The following TRDN variants were observed in gnomAD, a reference collection of about 807,000 sequenced individuals.
TRDN encodes the protein triadin.
A neutral mutation model predicts 149.7 loss-of-function variants in TRDN; 161 were observed. The ratio of observed to expected loss-of-function variants is 1.08; its 90% CI spans 0.95 to 1.23. The LOEUF (loss-of-function observed/expected upper bound fraction) is 1.23. Among genes scored for constraint, TRDN ranks in the 50% most tolerant of loss-of-function variants. The probability of loss-of-function intolerance (pLI) is 0.00; values close to 1 mark genes in which losing one functional copy is unlikely to be tolerated. For synonymous variants in TRDN, 294 were observed against 250.5 expected (o/e 1.17, Z -1.64); for missense variants, 896 against 823.5 (o/e 1.09, Z -1.08).
rs576562940 is a variant in TRDN at position 123,305,576 on chromosome 6, G to A, written c.1510+10881C>T. 7.9e-5 allele frequency among the ~76,000 whole-genome samples: 12 copies of A among 152,164 alleles called. 1 individual carries two copies. In the South Asian group the frequency reaches 8.3e-4, roughly 11 times the overall value. Reference sequence around the variant, plus strand: ...TGAAACACAGAAAGTTCACAAAACCGCCTGATGCCACGACCAAAGACATTC... The same window carrying A: ...TGAAACACAGAAAGTTCACAAAACCACCTGATGCCACGACCAAAGACATTC... On this transcript the variant is annotated intron_variant, in intron 24 of 40. Transcript: ENST00000334268.
intron 21 of TRDN, among the ~76,000 whole-genome samples, chr6:123,348,046 G>T (rs768688081): frequency 6.6e-6 from 1 of 152,046 alleles, no homozygotes; most frequent in Non-Finnish European, 1.5e-5. Context: ...TGAGAATGCA[G>T]ATTCTCTGTC....
chr6:123,269,870 T>C lies in TRDN; in HGVS notation c.1721-4A>G, dbSNP rs60743141. 1,369 of 1,610,318 alleles carry C rather than the reference T, an allele frequency of 8.5e-4. 14 individuals are homozygous for C. The African/African-American group carries it at 0.015, about 17-fold the overall frequency. ...TTACTTGTTGGTTTGGGCTTGGCTG[T>C]GGAGAATGGAGGCAAGCACATGGCA... On this transcript the variant is annotated splice_region_variant and splice_polypyrimidine_tract_variant and intron_variant, in intron 30 of 40. Transcript: ENST00000334268.
At chr6:123,286,108 A>T (rs892678304) in intron 24 of TRDN, among the ~76,000 whole-genome samples, 2 of 152,126 alleles carry the variant, frequency 1.3e-5, no homozygotes, top group African/African-American at 4.8e-5. Context: ...TTTGGAAAAC[A>T]GTTTGGAGAT....
At chr6:123,531,236 A>G (rs1471458926) in intron 4 of TRDN, among the ~76,000 whole-genome samples, 2 of 152,040 alleles carry the variant, frequency 1.3e-5, no homozygotes, top group African/African-American at 2.4e-5. Context: ...TTTGGATAGA[A>G]GTGAATTTGA....
intron 12 of TRDN, 122 bp from the exon 13 acceptor site, chr6:123,393,799 AT>A (rs1419405947): frequency 2.2e-6 from 2 of 907,508 alleles, no homozygotes; most frequent in East Asian, 5.3e-5. Context: ...GACACGAAGA[AT>A]TTTTGTTAAG....
intron 9 of TRDN, among the ~76,000 whole-genome samples, chr6:123,490,172 C>A (rs552198514): frequency 6.6e-6 from 1 of 152,082 alleles, no homozygotes; most frequent in Non-Finnish European, 1.5e-5. Context: ...GTGAACAATG[C>A]ATTTCAAAGA....
In TRDN at chr6:123,464,912, G is replaced by A; in HGVS notation, c.925C>T (p.Leu309Phe). The change falls in exon 10 of 41, where the codon CTT becomes TTT. Residue 309 changes from leucine to phenylalanine, a missense_variant. Transcript: ENST00000334268. Reference protein sequence around the residue: ...ASRPTPASPALEEKEGEKKKA... With the variant: ...ASRPTPASPAFEEKEGEKKKA... ...GAAAAAAAAAAGTACTTGCCTTCAA[G>A]GGCAGGTGATGCCGGAGTGGGTCTG... 2 of 1,586,118 alleles carry A rather than the reference G, an allele frequency of 1.3e-6. No individual in the cohort carries two copies. The highest frequency in any genetic ancestry group is 1.7e-6 in the Non-Finnish European group (2 of 1,165,468).
intron 24 of TRDN, among the ~76,000 whole-genome samples, chr6:123,302,568 G>A (rs1778467401): frequency 6.6e-6 from 1 of 152,098 alleles, no homozygotes; most frequent in Admixed American, 6.6e-5. Context: ...CATTGATACA[G>A]TAACTTGGTG....
At chr6:123,360,045 G>A in intron 20 of TRDN, among the ~76,000 whole-genome samples, 1 of 152,044 alleles carries the variant, frequency 6.6e-6, no homozygotes, top group East Asian at 1.9e-4. Flanking sequence ...AAGTTCCGGG[G>A]TACAAGTGCA....
intron 1 of TRDN, among the ~76,000 whole-genome samples, chr6:123,632,320 C>G (rs1391528483): frequency 6.6e-6 from 1 of 151,846 alleles, no homozygotes; most frequent in Non-Finnish European, 1.5e-5. Context: ...TTTCTCTTTT[C>G]TTTCTTTCTA....
intron 1 of TRDN, among the ~76,000 whole-genome samples, chr6:123,611,326 T>G (rs1784798429): frequency 6.6e-6 from 1 of 152,094 alleles, no homozygotes. Context: ...TCACAAGATA[T>G]GAGAGGGCAA....
chr6:123,381,262 A>G, intron 16 of TRDN, 108 bp downstream of exon 16: 1 of 1,083,492 alleles, frequency 9.2e-7, no homozygotes, highest in Non-Finnish European at 1.3e-6. Flanking sequence ...GTTCACATGC[A>G]TAAAACATAG....
chr6:123,308,629 A>T (rs777035291), intron 24 of TRDN, among the ~76,000 whole-genome samples: 2 of 152,006 alleles, frequency 1.3e-5, no homozygotes, highest in Admixed American at 1.3e-4. Flanking sequence ...GAAAATCTCT[A>T]TGTAGAGTCT....
rs113656748 is a variant in TRDN, at chr6:123,279,026, G to A, written c.1537+30C>T. On this transcript the variant is annotated intron_variant, in intron 25 of 40. Coordinates refer to ENST00000334268, the MANE Select transcript of TRDN (RefSeq NM_006073.4). ...TATGTATGTATGTACATATGTACGT[G>A]TTTGTTTATTGAGCATGCATATAAC... 18,794 of 1,596,280 alleles carry A rather than the reference G, an allele frequency of 0.012. 1,976 individuals are homozygous for A. In the African/African-American group the frequency reaches 0.22, roughly 19 times the overall value.
chr6:123,513,192 A>T (rs942393958), intron 6 of TRDN, among the ~76,000 whole-genome samples: 8 of 152,108 alleles, frequency 5.3e-5, no homozygotes, highest in Non-Finnish European at 1.2e-4. Context: ...CTCCACTACC[A>T]CTTGGGATTA....
chr6:123,531,351 CACA>C (rs1780245850), intron 4 of TRDN, among the ~76,000 whole-genome samples: 1 of 151,938 alleles, frequency 6.6e-6, no homozygotes, highest in Non-Finnish European at 1.5e-5. Context: ...ATTTATTTAT[CACA>C]ACTTTATTCC....
chr6:123,441,191 C>G (rs1774860696), intron 10 of TRDN: 2 of 152,114 alleles, frequency 1.3e-5, no homozygotes, highest in Admixed American at 1.3e-4. Context: ...AAAAACATAA[C>G]AATTTGATTA....
intron 5 of TRDN, among the ~76,000 whole-genome samples, chr6:123,526,655 T>C (rs995520356): frequency 1.1e-4 from 16 of 152,076 alleles, no homozygotes; most frequent in African/African-American, 3.9e-4. Flanking sequence ...TAAAAAATTA[T>C]ATACAGTATT....
At chr6:123,324,263 G>C (rs1271533953) in intron 23 of TRDN, among the ~76,000 whole-genome samples, 1 of 152,018 alleles carries the variant, frequency 6.6e-6, no homozygotes, top group Admixed American at 6.6e-5. Context: ...CTTATATCTT[G>C]TTCAAAAATG....
Sources: gnomAD v4.1 joint callset for allele counts (sites outside exome capture counted in the v4.1 genomes callset) on GRCh38, gnomAD v4.1.1 for gene constraint, MANE v1.5 for transcripts, NCBI Gene and HGNC (gene_info 2026-07-23, HGNC 2026-07-21) for gene names.